The following SNX13 variants were observed in gnomAD, a reference collection of about 807,000 sequenced individuals.
The protein encoded by SNX13 is sorting nexin-13.
Under a neutral mutation model 133.6 loss-of-function variants are expected in SNX13, and 45 were observed. That is an observed-to-expected ratio of 0.34 (90% CI 0.27 to 0.43). The LOEUF (loss-of-function observed/expected upper bound fraction) is 0.43, where lower values mean the gene tolerates loss of function less well. Among genes scored for constraint, SNX13 ranks in the 20% least tolerant of loss-of-function variants. The pLI is 1.00. For missense variants in SNX13, 1,032 were observed against 1,145.1 expected (o/e 0.90, Z 1.43); for synonymous variants, 414 against 373.9 (o/e 1.11, Z -1.24).
Position 17,805,250 on chromosome 7 carries a change from T to TGTGTGTGTGCGC in SNX13, c.2065-1671_2065-1670insGCGCACACACAC. On this transcript the variant is annotated intron_variant, in intron 20 of 25. Coordinates refer to ENST00000428135, the MANE Select transcript of SNX13 (RefSeq NM_015132.5). ...GTGTGTGTGTGTGTGTGTGTGTGTG[T>TGTGTGTGTGCGC]GCGTGCGCGCGCGCGCATGCATGCA... 8.9e-3 allele frequency among the ~76,000 whole-genome samples: 854 copies of TGTGTGTGTGCGC among 95,538 alleles called. 8 individuals are homozygous for TGTGTGTGTGCGC. Among genetic ancestry groups the TGTGTGTGTGCGC allele is most frequent in the Middle Eastern group, 0.029 (6 of 206 alleles). 62.7% of individuals were successfully genotyped at this position (95,538 alleles called of 152,430 possible).
Position 17,801,597 on chromosome 7 carries a change from A to C in SNX13, c.2289T>G (p.Leu763=). The change falls in exon 22 of 26, where the codon CTT becomes CTG. Residue 763 remains leucine (L), a synonymous_variant. Coordinates refer to ENST00000428135, the MANE Select transcript of SNX13 (RefSeq NM_015132.5). ...AATAAAATTAACTCACATTATCGTC[A>C]AGTTGAGCCGAAACTCGGCGATGTT... The part of the protein sequence containing the change: ...DPEHRRVSAQ[L]DDNVDDNIPL... The C allele has an allele frequency of 2.5e-6, 4 of 1,607,876 alleles. No homozygotes were observed. In the South Asian group the frequency reaches 3.4e-5, roughly 13 times the overall value.
intron 4 of SNX13, 130 bp from the exon 5 acceptor site, chr7:17,890,614 T>C: frequency 9.7e-6 from 5 of 517,608 alleles, no homozygotes; most frequent in Non-Finnish European, 1.6e-5. Context: ...TGGTGGTAAA[T>C]ACCTGCCCTC....
At chr7:17,884,787 T>C (rs1795792912) in intron 5 of SNX13, among the ~76,000 whole-genome samples, 2 of 152,190 alleles carry the variant, frequency 1.3e-5, no homozygotes, top group African/African-American at 4.8e-5. Context: ...TATCACTAGC[T>C]ATCAGGGAAA....
intron 15 of SNX13, chr7:17,832,436 G>A: frequency 1.0e-6 from 1 of 984,424 alleles, no homozygotes; most frequent in Non-Finnish European, 1.2e-6. Context: ...ACAATTATTT[G>A]GTTATGACTT....
At chr7:17,830,230 T>C in intron 15 of SNX13, 183 bp from the exon 16 acceptor site, 1 of 983,830 alleles carries the variant, frequency 1.0e-6, no homozygotes, top group African/African-American at 1.7e-5. Flanking sequence ...CCCATGGTTT[T>C]CTAAGACAGG....
At chr7:17,935,167 A>G (rs1355234524) in intron 1 of SNX13, among the ~76,000 whole-genome samples, 1 of 152,220 alleles carries the variant, frequency 6.6e-6, no homozygotes, top group African/African-American at 2.4e-5. Flanking sequence ...GGTAGATACA[A>G]TGGAATACTA....
chr7:17,870,065 C>T (rs935615263), intron 8 of SNX13, among the ~76,000 whole-genome samples: 4 of 152,090 alleles, frequency 2.6e-5, no homozygotes, highest in Middle Eastern at 3.2e-3. Context: ...AGTCATATGA[C>T]TCAAGGTCCT....
At chr7:17,881,282 T>C (rs577479831) in intron 5 of SNX13, 45 of 151,346 alleles carry the variant, frequency 3.0e-4, no homozygotes, top group African/African-American at 1.0e-3. Context: ...AGAATCTTAG[T>C]ATTTTAGAAC....
chr7:17,906,527 C>T (rs957175429), intron 1 of SNX13, among the ~76,000 whole-genome samples: 1 of 151,788 alleles, frequency 6.6e-6, no homozygotes, highest in Non-Finnish European at 1.5e-5. Flanking sequence ...ATACTCCCAC[C>T]TCAAAGAAAA....
At chr7:17,937,774 A>T (rs1802283597) in intron 1 of SNX13, among the ~76,000 whole-genome samples, 1 of 152,142 alleles carries the variant, frequency 6.6e-6, no homozygotes, top group African/African-American at 2.4e-5. Context: ...TCTTTATACA[A>T]CTCTAAGTAA....
chr7:17,824,880 C>T (rs1343168364), intron 17 of SNX13, among the ~76,000 whole-genome samples: 1 of 152,046 alleles, frequency 6.6e-6, no homozygotes, highest in Non-Finnish European at 1.5e-5. Flanking sequence ...AGCGATTCTC[C>T]TGCCTCAGCC....
At chr7:17,805,527 G>A (rs1363960883) in intron 20 of SNX13, among the ~76,000 whole-genome samples, 1 of 152,072 alleles carries the variant, frequency 6.6e-6, no homozygotes, top group Non-Finnish European at 1.5e-5. Context: ...GTTCACAGAA[G>A]AAATAGCATT....
At chr7:17,878,309 A>C (rs1794950886) in intron 5 of SNX13, among the ~76,000 whole-genome samples, 1 of 152,298 alleles carries the variant, frequency 6.6e-6, no homozygotes, top group Middle Eastern at 3.4e-3. Context: ...ATAAGCTGTA[A>C]TTTCTTGAAT....
At chr7:17,887,387 T>C (rs971734647) in intron 5 of SNX13, among the ~76,000 whole-genome samples, 1 of 152,162 alleles carries the variant, frequency 6.6e-6, no homozygotes, top group Admixed American at 6.5e-5. Flanking sequence ...ATTCATTCCC[T>C]AAGGCTCCCG....
chr7:17,907,736 T>C (rs1798548223), intron 1 of SNX13, among the ~76,000 whole-genome samples: 2 of 152,174 alleles, frequency 1.3e-5, no homozygotes, highest in South Asian at 4.1e-4. Context: ...ACTGCCATTT[T>C]GATTAAAGTT....
At chr7:17,801,791 A>C (rs1004897106) in intron 21 of SNX13, 132 bp from the exon 22 acceptor site, 1 of 569,930 alleles carries the variant, frequency 1.8e-6, no homozygotes, top group Non-Finnish European at 2.9e-6. Flanking sequence ...CAAATTTAAC[A>C]ATCTAAAATT....
intron 5 of SNX13, among the ~76,000 whole-genome samples, chr7:17,885,495 T>C (rs933080998): frequency 1.3e-5 from 2 of 152,194 alleles, no homozygotes; most frequent in Non-Finnish European, 2.9e-5. Context: ...ATTGTATCAG[T>C]TAATAATGAA....
intron 1 of SNX13, among the ~76,000 whole-genome samples, chr7:17,922,218 T>C (rs890700146): frequency 2.0e-5 from 3 of 152,212 alleles, no homozygotes; most frequent in Non-Finnish European, 4.4e-5. Context: ...AGGAGTCCTG[T>C]TCTAGTTGCG....
intron 11 of SNX13, among the ~76,000 whole-genome samples, chr7:17,849,902 T>C (rs1310116512): frequency 6.6e-6 from 1 of 152,236 alleles, no homozygotes; most frequent in African/African-American, 2.4e-5. Context: ...TACTTTGCTT[T>C]ATTACTGTTT....
Sources: allele counts gnomAD v4.1 joint callset (sites outside exome capture counted in the v4.1 genomes callset), GRCh38; gene constraint gnomAD v4.1.1; transcripts MANE v1.5; gene names NCBI Gene and HGNC (gene_info 2026-07-23, HGNC 2026-07-21).